The following TMEM229B variants were observed in gnomAD, a reference collection of about 807,000 sequenced individuals.
The protein encoded by TMEM229B is chromosome 14 open reading frame 83.
Under a neutral mutation model 13.7 loss-of-function variants are expected in TMEM229B, and 6 were observed. That is an observed-to-expected ratio of 0.44 (90% confidence interval 0.24 to 0.86). The LOEUF (loss-of-function observed/expected upper bound fraction) is 0.86, where lower values mean the gene tolerates loss of function less well. Ranked by LOEUF, TMEM229B falls within the 40% of genes least tolerant of loss-of-function variation. The pLI is 0.23. For missense variants in TMEM229B, 170 were observed against 236.0 expected, an observed-to-expected ratio of 0.72 and a Z score of 1.83; for synonymous variants, 107 against 102.1, an observed-to-expected ratio of 1.05 and a Z score of -0.29.
intron 1 of TMEM229B, among the ~76,000 whole-genome samples, chr14:67,526,017 G>T (rs569932748): frequency 6.6e-6 from 1 of 152,342 alleles, no homozygotes; most frequent in East Asian, 1.9e-4. Flanking sequence ...GAATCTGCCT[G>T]CTCTGCTCCA....
chr14:67,500,165 T>C (rs1465272258), intron 1 of TMEM229B, among the ~76,000 whole-genome samples: 1 of 151,856 alleles, frequency 6.6e-6, no homozygotes, highest in African/African-American at 2.4e-5. Context: ...CCCTGTCTCT[T>C]AAAATAAATA....
intron 1 of TMEM229B, among the ~76,000 whole-genome samples, chr14:67,508,309 A>AAAAGGCTGGAACCTCAGCCTTTCTCAGG (rs989515302): frequency 6.6e-6 from 1 of 152,090 alleles, no homozygotes; most frequent in African/African-American, 2.4e-5. Context: ...TATTTCCTGA[A>AAAAGGCTGGAACCTCAGCCTTTCTCAGG]AAAGGCTGGA....
intron 1 of TMEM229B, among the ~76,000 whole-genome samples, chr14:67,523,716 A>G (rs1318654496): frequency 1.3e-5 from 2 of 152,208 alleles, no homozygotes; most frequent in Non-Finnish European, 2.9e-5. Flanking sequence ...GTAAATACAC[A>G]CTTCTTTTTG....
At chr14:67,485,813 G>C (rs1169955887) in intron 2 of TMEM229B, among the ~76,000 whole-genome samples, 3 of 152,222 alleles carry the variant, frequency 2.0e-5, no homozygotes, top group Non-Finnish European at 4.4e-5. Context: ...ACCCTACCTC[G>C]AGCTTGTCTC....
chr14:67,519,392 C>T (rs1465386516), upstream of TMEM229B, among the ~76,000 whole-genome samples: 1 of 152,200 alleles, frequency 6.6e-6, no homozygotes, highest in Non-Finnish European at 1.5e-5. Context: ...GGGAAGTAAT[C>T]GAGGGTCTCC....
intron 1 of TMEM229B, among the ~76,000 whole-genome samples, chr14:67,495,459 T>C (rs1160448283): frequency 1.3e-5 from 2 of 152,162 alleles, no homozygotes; most frequent in Non-Finnish European, 2.9e-5. Context: ...TGAGTCAGGT[T>C]ACATTTGTTA....
In TMEM229B at chr14:67,470,668, C is replaced by T. The variant is rs957182263; in HGVS notation, c.*2752G>A. 3 of 152,764 alleles carry T rather than the reference C, an allele frequency of 2.0e-5. No homozygotes were observed. Among genetic ancestry groups the T allele is most frequent in the Non-Finnish European group, 4.4e-5 (3 of 68,124 alleles). The allele number at this position is 152,764 out of a possible 1,614,324, so 9.5% of individuals were successfully genotyped here. On this transcript the variant is annotated 3_prime_UTR_variant, in exon 3 of 3. Transcript: ENST00000554480. ...AGGACAAAAGGGCTTCATGGGGACT[C>T]CCTAGGTATTATTGCTGTGAATAAG...
At chr14:67,495,894 G>T (rs542825552) in intron 1 of TMEM229B, among the ~76,000 whole-genome samples, 2 of 152,326 alleles carry the variant, frequency 1.3e-5, no homozygotes, top group African/African-American at 4.8e-5. Context: ...TCTCAGGCAG[G>T]CTTTCTAGGG....
intron 2 of TMEM229B, among the ~76,000 whole-genome samples, chr14:67,480,177 C>T (rs535948736): frequency 1.3e-5 from 2 of 152,278 alleles, no homozygotes; most frequent in African/African-American, 4.8e-5. Flanking sequence ...TCTGGACAGC[C>T]CCTCCTGCTT....
intron 1 of TMEM229B, among the ~76,000 whole-genome samples, chr14:67,501,069 T>TAATAAG (rs2032591663): frequency 6.8e-6 from 1 of 147,786 alleles, no homozygotes; most frequent in Non-Finnish European, 1.5e-5. Flanking sequence ...ATAATAATAA[T>TAATAAG]AATAATAATA....
upstream of TMEM229B, among the ~76,000 whole-genome samples, chr14:67,517,519 C>T (rs2033225683): frequency 6.6e-6 from 1 of 152,100 alleles, no homozygotes; most frequent in African/African-American, 2.4e-5. Context: ...TATTTTCATC[C>T]TTTAGCAGAG....
At chr14:67,487,213 C>T (rs1166487845) in intron 1 of TMEM229B, 41 bp from the exon 2 acceptor site, 2 of 152,158 alleles carry the variant, frequency 1.3e-5, no homozygotes, top group Non-Finnish European at 2.9e-5. Context: ...TTAAACTGCC[C>T]CCAGCAGATC....
chr14:67,480,033 G>A (rs1390464512), intron 2 of TMEM229B, among the ~76,000 whole-genome samples: 3 of 152,184 alleles, frequency 2.0e-5, no homozygotes, highest in African/African-American at 7.2e-5. Context: ...GTCCTTGTAG[G>A]TAAAGTGAGG....
chr14:67,513,698 A>T (rs1442159682), intron 1 of TMEM229B, among the ~76,000 whole-genome samples: 1 of 152,194 alleles, frequency 6.6e-6, no homozygotes, highest in Non-Finnish European at 1.5e-5. Context: ...TCATTCACAC[A>T]GGCAGGCGGG....
At chr14:67,523,938 T>TTTCC (rs147474465) in intron 1 of TMEM229B, among the ~76,000 whole-genome samples, 4 of 151,564 alleles carry the variant, frequency 2.6e-5, no homozygotes, top group Admixed American at 2.6e-4. Context: ...GAGGGAAGAA[T>TTTCC]AGTGACACAA....
upstream of TMEM229B, among the ~76,000 whole-genome samples, chr14:67,518,781 G>A (rs771862968): frequency 5.9e-5 from 9 of 152,142 alleles, no homozygotes; most frequent in Non-Finnish European, 1.0e-4. Context: ...GGTTCCCAGG[G>A]GCTGCCCTCT....
intron 1 of TMEM229B, among the ~76,000 whole-genome samples, chr14:67,525,238 ATATAGT>A (rs1057183534): frequency 2.6e-5 from 4 of 152,200 alleles, no homozygotes; most frequent in African/African-American, 4.8e-5. Context: ...ATAAATATAC[ATATAGT>A]TATATGTATA....
At chr14:67,489,726 C>G (rs2032078141), upstream of TMEM229B, among the ~76,000 whole-genome samples, 1 of 152,212 alleles carries the variant, frequency 6.6e-6, no homozygotes, top group Non-Finnish European at 1.5e-5. Context: ...CGCGGTGGCT[C>G]ACGCCTGTAA....
intron 2 of TMEM229B, 47 bp downstream of exon 2, chr14:67,486,953 C>G (rs558546214): frequency 6.6e-6 from 1 of 152,290 alleles, no homozygotes; most frequent in South Asian, 2.1e-4. Flanking sequence ...GCCGAGCAGG[C>G]AGGATCGCTG....
Sources: gnomAD v4.1 joint callset for allele counts (sites outside exome capture counted in the v4.1 genomes callset) on GRCh38, gnomAD v4.1.1 for gene constraint, MANE v1.5 for transcripts, NCBI Gene and HGNC (gene_info 2026-07-23, HGNC 2026-07-21) for gene names.